Variants in FMNL2 observed in about 807,000 individuals in gnomAD.
FMNL2 encodes formin like 2.
FMNL2 carries 51 observed loss-of-function variants against 130.2 expected under a neutral mutation model. The observed-to-expected ratio is 0.39, with a 90% confidence interval of 0.31 to 0.49. The LOEUF is 0.49. FMNL2 is among the 20% of genes least tolerant of loss of function. The pLI, the probability that FMNL2 is intolerant of heterozygous loss-of-function variation, is 0.85. For synonymous variants in FMNL2, 465 were observed against 467.1 expected (o/e 1.00, Z 0.06); for missense variants, 977 against 1,316.2 (o/e 0.74, Z 3.99).
At chr2:152,499,813 A>AT in intron 1 of FMNL2, among the ~76,000 whole-genome samples, 3 of 152,348 alleles carry the variant, frequency 2.0e-5, no homozygotes, top group Admixed American at 2.0e-4. Context: ...TTATGCACAT[A>AT]TTAGCAGTAC....
At chr2:152,404,127 G>A (rs763757897) in intron 1 of FMNL2, among the ~76,000 whole-genome samples, 18 of 152,114 alleles carry the variant, frequency 1.2e-4, no homozygotes, top group Non-Finnish European at 2.2e-4. Flanking sequence ...CATACCCCCC[G>A]CCTTTTTTTT....
In FMNL2 at chr2:152,391,040, A is replaced by C. The variant is rs537776905; in HGVS notation, c.117+55320A>C. The stretch of plus-strand genomic sequence containing the variant: ...TGGCTGTGCTGAGGCATGAATAAAT[A>C]CTATAGCAATAGTAACCACACCTTT... On this transcript the variant is annotated intron_variant, in intron 1 of 25. Transcript: ENST00000288670. 2.8e-4 allele frequency among the ~76,000 whole-genome samples: 42 copies of C among 152,334 alleles called. 1 individual carries two copies. The South Asian group carries it at 6.8e-3, about 25-fold the overall frequency.
At chr2:152,603,117 C>T (rs899676182) in intron 9 of FMNL2, among the ~76,000 whole-genome samples, 1 of 152,130 alleles carries the variant, frequency 6.6e-6, no homozygotes, top group Non-Finnish European at 1.5e-5. Flanking sequence ...GCTTCCTTTC[C>T]TTCCTCAGAA....
At chr2:152,644,752 C>T (rs1478806853) in intron 25 of FMNL2, among the ~76,000 whole-genome samples, 2 of 152,170 alleles carry the variant, frequency 1.3e-5, no homozygotes, top group Non-Finnish European at 2.9e-5. Flanking sequence ...CATATCTTGA[C>T]CTGCTTCTTT....
intron 2 of FMNL2, chr2:152,539,112 A>T (rs1330294593): frequency 6.6e-6 from 1 of 152,274 alleles, no homozygotes. Flanking sequence ...CATCAATGAT[A>T]TAAGTACCTT....
At chr2:152,570,016 A>AAAAAAAAG (rs1312990733) in intron 6 of FMNL2, among the ~76,000 whole-genome samples, 2 of 151,766 alleles carry the variant, frequency 1.3e-5, no homozygotes, top group Non-Finnish European at 2.9e-5. Context: ...GTCTCAAAAA[A>AAAAAAAAG]AAAAGAAAAG....
chr2:152,625,639 A>G, intron 16 of FMNL2, 77 bp downstream of exon 16: 1 of 1,502,400 alleles, frequency 6.7e-7, no homozygotes, highest in Admixed American at 1.8e-5. Flanking sequence ...TTAACCTGGA[A>G]GTGTCAGAGA....
intron 1 of FMNL2, among the ~76,000 whole-genome samples, chr2:152,339,903 G>A (rs1015044865): frequency 7.9e-5 from 12 of 152,096 alleles, no homozygotes; most frequent in African/African-American, 2.9e-4. Context: ...TATTTAGGCT[G>A]GGCACAGTGG....
chr2:152,501,693 A>T, intron 1 of FMNL2, among the ~76,000 whole-genome samples: 1 of 151,672 alleles, frequency 6.6e-6, no homozygotes, highest in East Asian at 1.9e-4. Flanking sequence ...CCATCTGTGT[A>T]AATTTGCGTG....
intron 11 of FMNL2, among the ~76,000 whole-genome samples, chr2:152,614,410 T>A (rs1444167089): frequency 6.6e-6 from 1 of 152,248 alleles, no homozygotes. Flanking sequence ...GATGACATGT[T>A]AAGCTCTCTT....
intron 1 of FMNL2, among the ~76,000 whole-genome samples, chr2:152,379,285 T>A (rs1233660887): frequency 2.0e-5 from 3 of 152,224 alleles, no homozygotes. Flanking sequence ...CAGCTCTGTG[T>A]TGGTTTATTG....
At chr2:152,511,436 G>A (rs898329737) in intron 1 of FMNL2, among the ~76,000 whole-genome samples, 1 of 152,222 alleles carries the variant, frequency 6.6e-6, no homozygotes, top group Non-Finnish European at 1.5e-5. Context: ...GTCTACCTTT[G>A]AAGTTGCAGC....
At chr2:152,550,558 G>T (rs1041913648) in intron 4 of FMNL2, among the ~76,000 whole-genome samples, 3 of 152,196 alleles carry the variant, frequency 2.0e-5, no homozygotes, top group African/African-American at 7.2e-5. Context: ...TTTGGCTCAA[G>T]TTGCTCTGTT....
intron 2 of FMNL2, among the ~76,000 whole-genome samples, chr2:152,522,340 C>T (rs2105404206): frequency 6.6e-6 from 1 of 152,296 alleles, no homozygotes; most frequent in African/African-American, 2.4e-5. Context: ...ATACTGGGCA[C>T]ATAGTAGGTG....
chr2:152,562,608 G>T (rs1355154105), intron 6 of FMNL2, among the ~76,000 whole-genome samples: 1 of 152,192 alleles, frequency 6.6e-6, no homozygotes, highest in Non-Finnish European at 1.5e-5. Context: ...GGTTTGGAAT[G>T]AATTGATTCA....
intron 1 of FMNL2, among the ~76,000 whole-genome samples, chr2:152,391,323 AG>A (rs2105927913): frequency 6.6e-6 from 1 of 152,360 alleles, no homozygotes; most frequent in South Asian, 2.1e-4. Flanking sequence ...TGACAGATTA[AG>A]GTTTCACAAC....
chr2:152,430,639 G>A (rs1687444617), intron 1 of FMNL2, among the ~76,000 whole-genome samples: 1 of 152,148 alleles, frequency 6.6e-6, no homozygotes, highest in Non-Finnish European at 1.5e-5. Flanking sequence ...TTGGGAGGCC[G>A]AGGTGGGCGG....
intron 1 of FMNL2, among the ~76,000 whole-genome samples, chr2:152,493,103 A>G (rs1295621108): frequency 6.6e-6 from 1 of 152,130 alleles, no homozygotes; most frequent in Non-Finnish European, 1.5e-5. Context: ...TGAATGATTC[A>G]AATTGGCACT....
intron 2 of FMNL2, among the ~76,000 whole-genome samples, chr2:152,541,792 G>C (rs1298740876): frequency 6.6e-6 from 1 of 152,130 alleles, no homozygotes; most frequent in Non-Finnish European, 1.5e-5. Flanking sequence ...TCAGGTTTGT[G>C]AGATCCATTC....
Sources: allele counts gnomAD v4.1 joint callset (sites outside exome capture counted in the v4.1 genomes callset), GRCh38; gene constraint gnomAD v4.1.1; transcripts MANE v1.5; gene names NCBI Gene and HGNC (gene_info 2026-07-23, HGNC 2026-07-21).